The following GABRG3 variants were observed in gnomAD, a reference collection of about 807,000 sequenced individuals.
GABRG3 encodes the protein gamma-aminobutyric acid receptor subunit gamma-3.
In GABRG3, 25 loss-of-function variants were observed where a neutral mutation model predicts 48.8. That is an observed-to-expected ratio of 0.51 (90% confidence interval 0.37 to 0.72). The LOEUF (loss-of-function observed/expected upper bound fraction) is 0.72, where lower values mean the gene tolerates loss of function less well. Among genes scored for constraint, GABRG3 ranks in the 30% least tolerant of loss-of-function variants. The probability of loss-of-function intolerance (pLI) is 0.00; values close to 1 mark genes in which losing one functional copy is unlikely to be tolerated. For missense variants in GABRG3, 394 were observed against 577.9 expected (o/e 0.68, Z 3.26); for synonymous variants, 227 against 217.6 (o/e 1.04, Z -0.38).
intron 3 of GABRG3, among the ~76,000 whole-genome samples, chr15:27,088,840 C>G (rs1897134323): frequency 6.6e-6 from 1 of 152,036 alleles, no homozygotes; most frequent in Non-Finnish European, 1.5e-5. Context: ...CCCGAGGAAG[C>G]GGTGCTGCAC....
chr15:27,141,430 C>T (rs779692484), intron 3 of GABRG3, among the ~76,000 whole-genome samples: 4 of 152,116 alleles, frequency 2.6e-5, no homozygotes, highest in South Asian at 2.1e-4. Flanking sequence ...CTGGTTCCTG[C>T]GAGATTTTAT....
chr15:27,083,865 T>C (rs965148940), intron 3 of GABRG3, among the ~76,000 whole-genome samples: 2 of 152,186 alleles, frequency 1.3e-5, no homozygotes, highest in African/African-American at 4.8e-5. Context: ...CACTTCTCTT[T>C]CTTTATATTT....
At chr15:27,508,350 C>T (rs1890809967) in intron 6 of GABRG3, among the ~76,000 whole-genome samples, 1 of 152,018 alleles carries the variant, frequency 6.6e-6, no homozygotes, top group Non-Finnish European at 1.5e-5. Flanking sequence ...CTGAGTTGAC[C>T]TCCAAATAGT....
chr15:27,199,110 G>A (rs867422953), intron 3 of GABRG3, among the ~76,000 whole-genome samples: 9 of 152,006 alleles, frequency 5.9e-5, no homozygotes, highest in East Asian at 1.9e-4. Flanking sequence ...AAACCTGCAC[G>A]TTCTGCACAT....
chr15:27,132,900 T>G (rs1897944469), intron 3 of GABRG3, among the ~76,000 whole-genome samples: 1 of 151,942 alleles, frequency 6.6e-6, no homozygotes, highest in Non-Finnish European at 1.5e-5. Context: ...AGATTATTGA[T>G]GTGTCATCTT....
At chr15:27,209,620 C>G (rs1889006061) in intron 3 of GABRG3, among the ~76,000 whole-genome samples, 2 of 152,278 alleles carry the variant, frequency 1.3e-5, no homozygotes, top group South Asian at 4.1e-4. Flanking sequence ...GGGTGCTGGG[C>G]TGTGCCCAGG....
intron 2 of GABRG3, among the ~76,000 whole-genome samples, chr15:27,019,235 A>AT (rs899263364): frequency 6.6e-6 from 1 of 151,036 alleles, no homozygotes; most frequent in Admixed American, 6.6e-5. Flanking sequence ...CGCCTGGCTA[A>AT]TTTTTTTTGT....
chr15:27,476,848 A>G (rs1889955071), intron 5 of GABRG3, among the ~76,000 whole-genome samples: 1 of 152,214 alleles, frequency 6.6e-6, no homozygotes, highest in South Asian at 2.1e-4. Flanking sequence ...GAACTTAATG[A>G]GATTGACATC....
intron 9 of GABRG3, 92 bp from the exon 10 acceptor site, chr15:27,532,508 G>A (rs1359214022): frequency 8.2e-7 from 1 of 1,218,234 alleles, no homozygotes; most frequent in Admixed American, 2.3e-5. Flanking sequence ...ATCTATAGGA[G>A]ACAGATGTAA....
At chr15:27,211,652 A>G (rs1889083284) in intron 3 of GABRG3, among the ~76,000 whole-genome samples, 2 of 152,212 alleles carry the variant, frequency 1.3e-5, no homozygotes, top group African/African-American at 4.8e-5. Context: ...GAGGCTAGCT[A>G]GACTAGCCTG....
intron 3 of GABRG3, among the ~76,000 whole-genome samples, chr15:27,251,605 A>T (rs1426647837): frequency 6.6e-6 from 1 of 152,226 alleles, no homozygotes; most frequent in Admixed American, 6.5e-5. Flanking sequence ...ATCCTAATCA[A>T]ATATTAAATA....
At chr15:27,448,136 G>A (rs371146908) in intron 5 of GABRG3, among the ~76,000 whole-genome samples, 2 of 151,674 alleles carry the variant, frequency 1.3e-5, no homozygotes, top group African/African-American at 4.9e-5. Context: ...TTTAAAAAAA[G>A]GACAAATGGG....
intron 5 of GABRG3, among the ~76,000 whole-genome samples, chr15:27,456,973 C>T (rs147630041): frequency 2.2e-3 from 341 of 152,298 alleles, no homozygotes; most frequent in African/African-American, 7.8e-3. Context: ...CCTACCAGCC[C>T]CAGAAGAGCT....
chr15:27,326,746 GA>G, intron 3 of GABRG3, 62 bp from the exon 4 acceptor site: 1 of 1,353,606 alleles, frequency 7.4e-7, no homozygotes, highest in Non-Finnish European at 1.1e-6. Context: ...TTGACAAAGA[GA>G]ACAAATTATA....
chr15:26,995,914 G>A (rs1895332210), intron 2 of GABRG3, among the ~76,000 whole-genome samples: 1 of 151,894 alleles, frequency 6.6e-6, no homozygotes, highest in Admixed American at 6.6e-5. Context: ...GATGTATCAT[G>A]TCTTCCTGTG....
chr15:27,318,190 G>C (rs1442253762), intron 3 of GABRG3, among the ~76,000 whole-genome samples: 2 of 152,124 alleles, frequency 1.3e-5, no homozygotes, highest in Non-Finnish European at 2.9e-5. Flanking sequence ...GGAGCTTCTG[G>C]GAGACTGTGT....
intron 3 of GABRG3, among the ~76,000 whole-genome samples, chr15:27,283,757 A>C (rs978381170): frequency 6.6e-6 from 1 of 152,184 alleles, no homozygotes; most frequent in Non-Finnish European, 1.5e-5. Context: ...CATAAAGGAA[A>C]TTCAGGAGAC....
intron 5 of GABRG3, chr15:27,428,282 T>G (rs528254939): frequency 6.6e-6 from 1 of 152,334 alleles, no homozygotes; most frequent in South Asian, 2.1e-4. Context: ...TACCAGGGAA[T>G]GTGATTATAA....
At chr15:27,245,265 C>T (rs1303193280) in intron 3 of GABRG3, among the ~76,000 whole-genome samples, 3 of 152,140 alleles carry the variant, frequency 2.0e-5, no homozygotes, top group African/African-American at 4.8e-5. Context: ...TGAAACAACC[C>T]AGCCGTTTGG....
Sources: allele counts gnomAD v4.1 joint callset (sites outside exome capture counted in the v4.1 genomes callset), GRCh38; gene constraint gnomAD v4.1.1; transcripts MANE v1.5; gene names NCBI Gene and HGNC (gene_info 2026-07-23, HGNC 2026-07-21).